DMTN: variants seen among roughly 807,000 people sequenced by gnomAD.
DMTN encodes the protein dematin actin binding protein.
A neutral mutation model predicts 59.4 loss-of-function variants in DMTN; 27 were observed. The observed-to-expected ratio is 0.45, with a 90% CI of 0.33 to 0.63. The LOEUF (loss-of-function observed/expected upper bound fraction) is 0.63. DMTN is among the 20% of genes least tolerant of loss of function. DMTN has a pLI of 0.02. For synonymous variants in DMTN, 221 were observed against 203.7 expected (o/e 1.08, Z -0.72); for missense variants, 451 against 528.9 (o/e 0.85, Z 1.45).
chr8:22,060,810 A>G lies in DMTN; in HGVS notation c.-172+3674A>G, dbSNP rs1585720595. ...TGACTCACACCAGCTTTGCCTGGGT[A>G]GTATCCTGGTGAATGGTTTTAGAAA... On this transcript the variant is annotated intron_variant, in intron 1 of 15. Coordinates refer to ENST00000358242, the MANE Select transcript of DMTN (RefSeq NM_001387751.1). The surrounding 1 kb of genome is among the most constrained non-coding windows in gnomAD (Gnocchi z 5.0). Among the ~76,000 whole-genome samples, 1 of 152,264 alleles carries G rather than the reference A, an allele frequency of 6.6e-6. No individual in the cohort carries two copies. The highest frequency in any genetic ancestry group is 1.5e-5 in the Non-Finnish European group (1 of 68,046).
At chr8:22,052,221 A>G (rs990390580), upstream of DMTN, among the ~76,000 whole-genome samples, 4 of 152,202 alleles carry the variant, frequency 2.6e-5, no homozygotes, top group African/African-American at 9.6e-5. Context: ...AACTGTCATG[A>G]TGTATGTGCT....
rs1462179374 is a variant in DMTN, at chr8:22,082,087, G to A, written c.*624G>A. ...CCCAGAAGCCTGGGCTTAGGGTGGA[G>A]ATGCCGCCTACACACGATCCTGGCC... is the stretch of plus-strand genomic sequence containing the variant. On this transcript the variant is annotated 3_prime_UTR_variant, in exon 16 of 16. Coordinates refer to ENST00000358242, the MANE Select transcript of DMTN (RefSeq NM_001387751.1). 2 of 456,610 alleles carry A rather than the reference G, an allele frequency of 4.4e-6. No individual in the cohort carries two copies. The highest frequency in any genetic ancestry group is 2.3e-5 in the Admixed American group (1 of 42,560). 28.3% of individuals were successfully genotyped at this position (456,610 alleles called of 1,614,324 possible).
upstream of DMTN, among the ~76,000 whole-genome samples, chr8:22,054,541 T>C (rs1172746720): frequency 2.0e-5 from 3 of 152,068 alleles, no homozygotes; most frequent in East Asian, 5.8e-4. Context: ...ACAAGGACTG[T>C]CCCTGCCTTG....
intron 9 of DMTN, among the ~76,000 whole-genome samples, chr8:22,072,938 G>A (rs1456096700): frequency 1.3e-5 from 2 of 152,074 alleles, no homozygotes; most frequent in African/African-American, 2.4e-5. Context: ...CTGCTTTCTG[G>A]GGGACACTAC....
At chr8:22,062,258 TA>T (rs35659625) in intron 1 of DMTN, among the ~76,000 whole-genome samples, 146,411 of 150,228 alleles carry the variant, frequency 0.97, 71,367 homozygotes, top group East Asian at 1. Context: ...CCCAGCTAAT[TA>T]AAAAAAAAAA....
chr8:22,081,705 C>A lies in DMTN; in HGVS notation c.*242C>A, dbSNP rs1287406497. 3 of 586,160 alleles carry A rather than the reference C, an allele frequency of 5.1e-6. No homozygotes were observed. In the African/African-American group the frequency reaches 5.5e-5, roughly 11 times the overall value. The allele number at this position is 586,160 out of a possible 1,614,324, so 36.3% of individuals were successfully genotyped here. On this transcript the variant is annotated 3_prime_UTR_variant, in exon 16 of 16. Transcript: ENST00000358242. ...CTGCACAGGGCAAAGCCAGTCTGGG[C>A]TCTGGCACACAGAGTTCATGTTTGC...
intron 1 of DMTN, among the ~76,000 whole-genome samples, chr8:22,062,298 A>G (rs565930911): frequency 5.6e-4 from 85 of 151,326 alleles, no homozygotes; most frequent in Non-Finnish European, 1.2e-3. Flanking sequence ...GGGTCTCTCT[A>G]TGTTGCCCAG....
chr8:22,058,561 T>G lies in DMTN; in HGVS notation c.-172+1425T>G, dbSNP rs113908481. On this transcript the variant is annotated intron_variant, in intron 1 of 15. Coordinates refer to ENST00000358242, the MANE Select transcript of DMTN (RefSeq NM_001387751.1). This position sits in a 1 kb window ranked among gnomAD's most constrained non-coding sequence, Gnocchi z 4.3. ...ATGGCTGCACAGATGCGTCTCTGGG[T>G]GGGCTAGAGAGGCAGGAGGGGGCAC... is the stretch of plus-strand genomic sequence containing the variant. Among the ~76,000 whole-genome samples the G allele has an allele frequency of 0.012, 1,851 of 152,156 alleles. 14 individuals are homozygous for G. The highest frequency in any genetic ancestry group is 0.014 in the Non-Finnish European group (930 of 67,976).
upstream of DMTN, among the ~76,000 whole-genome samples, chr8:22,051,029 T>A (rs1801300413): frequency 1.3e-5 from 2 of 152,160 alleles, no homozygotes; most frequent in South Asian, 4.1e-4. Flanking sequence ...GGAAGGAGAC[T>A]TCCCCCAGGT....
intron 6 of DMTN, 137 bp downstream of exon 6, chr8:22,069,655 C>T: frequency 3.4e-6 from 3 of 894,980 alleles, no homozygotes; most frequent in Non-Finnish European, 3.4e-6. Context: ...GGCCAGGACC[C>T]CTCCCAGAGA....
intron 10 of DMTN, among the ~76,000 whole-genome samples, chr8:22,079,303 A>ATATATATATATATATATATGG: frequency 1.9e-5 from 1 of 52,222 alleles, no homozygotes; most frequent in South Asian, 8.2e-4. Flanking sequence ...TATATATATT[A>ATATATATATATATATATATGG]GCTGGGTTTG....
chr8:22,080,994 G>T, intron 14 of DMTN, 119 bp from the exon 15 acceptor site: 2 of 1,474,336 alleles, frequency 1.4e-6, no homozygotes, highest in Non-Finnish European at 1.9e-6. Context: ...GAAGTTGGGG[G>T]AGACAGAGGG....
At chr8:22,050,547 T>G (rs1801243031), upstream of DMTN, among the ~76,000 whole-genome samples, 1 of 147,790 alleles carries the variant, frequency 6.8e-6, no homozygotes, top group Non-Finnish European at 1.5e-5. Flanking sequence ...TCCCTCTCTT[T>G]GACCTCCCCG....
chr8:22,055,185 C>G (rs1054339469), upstream of DMTN, among the ~76,000 whole-genome samples: 4 of 152,132 alleles, frequency 2.6e-5, no homozygotes, highest in African/African-American at 9.7e-5. Flanking sequence ...TCCTTCCTGG[C>G]ATCAGCTCAT....
intron 10 of DMTN, among the ~76,000 whole-genome samples, chr8:22,076,530 C>T (rs1001821500): frequency 6.6e-6 from 1 of 151,810 alleles, no homozygotes; most frequent in Non-Finnish European, 1.5e-5. Context: ...GATTGCGCCA[C>T]TGCAGTCTAA....
At chr8:22,066,575 C>T (rs900887700) in intron 1 of DMTN, 130 bp from the exon 2 acceptor site, 4 of 288,864 alleles carry the variant, frequency 1.4e-5, no homozygotes, top group Non-Finnish European at 2.6e-5. Context: ...CGTCCACGCG[C>T]GCGTTCTCCG....
Position 22,081,933 on chromosome 8 carries a change from C to G in DMTN, c.*470C>G. ...TTTCCTGCACTGCAGCCTCCTGCTC[C>G]TCTGACTCTAGTGGGAACAGGCCCC... is the stretch of plus-strand genomic sequence containing the variant. On this transcript the variant is annotated 3_prime_UTR_variant, in exon 16 of 16. Coordinates refer to ENST00000358242, the MANE Select transcript of DMTN (RefSeq NM_001387751.1). 1 of 457,262 alleles carries G rather than the reference C, an allele frequency of 2.2e-6. No individual in the cohort carries two copies. Among genetic ancestry groups the G allele is most frequent in the Non-Finnish European group, 4.4e-6 (1 of 227,294 alleles). The allele number at this position is 457,262 out of a possible 1,614,324, so 28.3% of individuals were successfully genotyped here.
intron 1 of DMTN, among the ~76,000 whole-genome samples, chr8:22,065,148 A>G (rs572535245): frequency 2.6e-5 from 4 of 152,288 alleles, no homozygotes; most frequent in Admixed American, 6.5e-5. Context: ...CTCCCACCTC[A>G]GTCTCCAGAG....
chr8:22,065,787 A>G (rs1254797495), intron 1 of DMTN, among the ~76,000 whole-genome samples: 2 of 145,652 alleles, frequency 1.4e-5, no homozygotes, highest in African/African-American at 5.0e-5. Context: ...GTGAACCGAG[A>G]TGGCACCCCT....
Sources: gnomAD v4.1 joint callset for allele counts (sites outside exome capture counted in the v4.1 genomes callset) on GRCh38, gnomAD v4.1.1 for gene constraint, Gnocchi (gnomAD v3.1) non-coding constraint, MANE v1.5 for transcripts, NCBI Gene and HGNC (gene_info 2026-07-23, HGNC 2026-07-21) for gene names.